The following NCL variants were observed in gnomAD, a reference collection of about 807,000 sequenced individuals.
The protein encoded by NCL is nucleolin multifunctional protein.
NCL carries 4 observed loss-of-function variants against 77.7 expected under a neutral mutation model. That is an observed-to-expected ratio of 0.05 (90% confidence interval 0.03 to 0.12). The LOEUF is 0.12. Among genes scored for constraint, NCL ranks in the 10% least tolerant of loss-of-function variants. NCL has a pLI of 1.00. For missense variants in NCL, 763 were observed against 860.9 expected, an observed-to-expected ratio of 0.89 and a Z score of 1.42; for synonymous variants, 344 against 297.8, an observed-to-expected ratio of 1.16 and a Z score of -1.60.
rs1349798239 is a variant in NCL at position 231,456,646 on chromosome 2, G to C, written c.1690C>G (p.Pro564Ala). The change falls in exon 11 of 14, where the codon CCT becomes GCT. Residue 564 changes from proline to alanine, a missense_variant. This residue lies in a region of NCL where 173 missense variants were observed against 290.4 expected (regional missense o/e 0.60). Transcript: ENST00000322723. The part of the protein sequence containing the change: ...RLELQGPRGS[P>A]NARSQPSKTL... Reference sequence around the variant, plus strand: ...GTGAACTTACGGCTTCTGGCATTAGGTGATCCCCTGGGTCCTTGCAACTCC... The same window carrying C: ...GTGAACTTACGGCTTCTGGCATTAGCTGATCCCCTGGGTCCTTGCAACTCC... 6.2e-7 allele frequency: 1 copy of C among 1,614,058 alleles called. No homozygotes were observed. The highest frequency in any genetic ancestry group is 8.5e-7 in the Non-Finnish European group (1 of 1,180,032).
In NCL at chr2:231,464,404, A is replaced by C. The variant is rs1415426027; in HGVS notation, c.-51T>G. ...AAGTGGCGCAGATGAGTCCAGAAGA[A>C]GCCAAGCGACGGCGATGGCGGCCGC... On this transcript the variant is annotated 5_prime_UTR_variant, in exon 1 of 14. Transcript: ENST00000322723. 1.3e-6 allele frequency: 2 copies of C among 1,587,264 alleles called. No homozygotes were observed. The highest frequency in any genetic ancestry group is 2.3e-5 in the South Asian group (2 of 87,906).
intron 11 of NCL, 65 bp downstream of exon 11, chr2:231,456,566 C>T (rs745899892): frequency 1.2e-6 from 2 of 1,606,958 alleles, no homozygotes; most frequent in Admixed American, 1.7e-5. Context: ...AGAATTTGTG[C>T]AAAAAATAAA....
chr2:231,455,529 T>C lies in NCL; in HGVS notation c.1928A>G (p.Asp643Gly), dbSNP rs1195626866. The change falls in exon 13 of 14, where the codon GAC becomes GGC. Residue 643 changes from aspartate (D) to glycine (G), a missense_variant. Physicochemically the swap from Asp to Gly is moderately conservative, Grantham distance 94 (BLOSUM62 -1). Around this residue, in one of 2 missense-constraint regions of NCL, gnomAD observed 173 missense variants for 290.4 expected, o/e 0.60. Coordinates refer to ENST00000322723, the MANE Select transcript of NCL (RefSeq NM_005381.3). ...ACCTTCACCCTTAGGTTTGGCCCAG[T>C]CCAAGGTAACTTTATTTCCATCAAT... is the stretch of plus-strand genomic sequence containing the variant. ...GEIDGNKVTL[D>G]WAKPKGEGGF... The C allele has an allele frequency of 6.2e-7, 1 of 1,614,210 alleles. No individual in the cohort carries two copies. Among genetic ancestry groups the C allele is most frequent in the African/African-American group, 1.3e-5 (1 of 75,050 alleles).
rs746884662 is a variant in NCL at position 231,463,311 on chromosome 2, A to G, written c.24T>C (p.Gly8=). The change falls in exon 2 of 14, where the codon GGT becomes GGC. Residue 8 remains glycine, a synonymous_variant. Transcript: ENST00000322723. ...TTTTCTTGGGGTCACCTTGATTTTT[A>G]CCTGCCTAAAATGGACACAAATAGA... MVKLAKA[G]KNQGDPKKMA... 2 of 1,599,444 alleles carry G rather than the reference A, an allele frequency of 1.3e-6. No individual in the cohort carries two copies. Among genetic ancestry groups the G allele is most frequent in the Non-Finnish European group, 1.7e-6 (2 of 1,168,950 alleles).
chr2:231,456,566 C>G (rs745899892), intron 11 of NCL, 65 bp downstream of exon 11: 3 of 1,606,840 alleles, frequency 1.9e-6, no homozygotes, highest in African/African-American at 2.7e-5. Flanking sequence ...AGAATTTGTG[C>G]AAAAAATAAA....
Position 231,457,043 on chromosome 2 carries a change from G to A in NCL, c.1529C>T (p.Thr510Ile). The A allele has an allele frequency of 6.2e-7, 1 of 1,614,010 alleles. No homozygotes were observed. Among genetic ancestry groups the A allele is most frequent in the Non-Finnish European group, 8.5e-7 (1 of 1,179,968 alleles). The change falls in exon 10 of 14, where the codon ACT becomes ATT. Residue 510 changes from threonine to isoleucine, a missense_variant. This residue lies in a region of NCL where 173 missense variants were observed against 290.4 expected (regional missense o/e 0.60). Transcript: ENST00000322723. The stretch of plus-strand genomic sequence containing the variant: ...TTGGTTCTGGGGTACTTTGATAAAA[G>A]TTGCTTTCTCAAATACTTCCTGAAG... ...ETLQEVFEKA[T>I]FIKVPQNQNG...
In NCL at chr2:231,461,651, C is replaced by T; in HGVS notation, c.502G>A (p.Asp168Asn). 2.5e-6 allele frequency: 4 copies of T among 1,610,812 alleles called. No individual in the cohort carries two copies. The highest frequency in any genetic ancestry group is 3.4e-6 in the Non-Finnish European group (4 of 1,176,986). ...TTCATCGCTGCTGGTTCAATTTCATCTTCATCCTCATCCTCGTCCTCGTCA... is the reference window on the plus strand; with the variant it reads ...TTCATCGCTGCTGGTTCAATTTCATTTTCATCCTCATCCTCGTCCTCGTCA... ...EDDEDEDEDE[D>N]EIEPAAMKAA... The change falls in exon 3 of 14, where the codon GAT becomes AAT. Residue 168 changes from aspartate (D) to asparagine (N), a missense_variant. Around this residue, in one of 2 missense-constraint regions of NCL, gnomAD observed 590 missense variants for 570.5 expected, o/e 1.03. Coordinates refer to ENST00000322723, the MANE Select transcript of NCL (RefSeq NM_005381.3).
At chr2:231,459,238 C>T (rs1430866544) in intron 6 of NCL, 113 bp from the exon 7 acceptor site, 3 of 1,214,184 alleles carry the variant, frequency 2.5e-6, no homozygotes, top group Middle Eastern at 2.0e-4. Flanking sequence ...TTTTAAAAAG[C>T]ACCCCTAGTA....
intron 11 of NCL, 200 bp downstream of exon 11, chr2:231,456,431 T>C (rs750370592): frequency 9.2e-7 from 1 of 1,083,746 alleles, no homozygotes; most frequent in South Asian, 1.3e-5. Flanking sequence ...CTTGCTACTC[T>C]GAGTTGACAC....
In NCL at chr2:231,460,313, C is replaced by G. The variant is rs961716339; in HGVS notation, c.899-20G>C. On this transcript the variant is annotated intron_variant, in intron 5 of 13. Coordinates refer to ENST00000322723, the MANE Select transcript of NCL (RefSeq NM_005381.3). ...CTGTGCCTGCACAAAAAAAGCTCAA[C>G]TCAGTCTACTTGTAGTGTGGTAAAA... The G allele has an allele frequency of 7.4e-6, 12 of 1,613,976 alleles. No homozygotes were observed. The highest frequency in any genetic ancestry group is 2.2e-5 in the East Asian group (1 of 44,892).
chr2:231,461,631 C>A lies in NCL; in HGVS notation c.522G>T (p.Ala174=). ...CAGGGGCAGCAGCTGCTGCTTTCAT[C>A]GCTGCTGGTTCAATTTCATCTTCAT... ...DEDEDEIEPA[A]MKAAAAAPAS... Residue 174 remains alanine, a synonymous_variant, in exon 3 of 14, where the codon GCG becomes GCT. Coordinates refer to ENST00000322723, the MANE Select transcript of NCL (RefSeq NM_005381.3). 1.9e-6 allele frequency: 3 copies of A among 1,603,594 alleles called. No homozygotes were observed. Among genetic ancestry groups the A allele is most frequent in the Non-Finnish European group, 2.6e-6 (3 of 1,170,438 alleles).
At chr2:231,459,182 A>G (rs984157244) in intron 6 of NCL, 57 bp from the exon 7 acceptor site, 31 of 1,482,752 alleles carry the variant, frequency 2.1e-5, no homozygotes, top group Non-Finnish European at 2.7e-5. Context: ...ATCAAAATCC[A>G]CAATATGTAT....
intron 6 of NCL, 30 bp downstream of exon 6, chr2:231,460,122 C>A (rs777272895): frequency 5.0e-6 from 8 of 1,594,458 alleles, no homozygotes; most frequent in Non-Finnish European, 6.8e-6. Context: ...AACAGACCCA[C>A]GTGTATGTAA....
In NCL at chr2:231,463,085, T is replaced by C. The variant is rs886998266; in HGVS notation, c.135+115A>G. The C allele has an allele frequency of 1.1e-4, 87 of 760,300 alleles. No individual in the cohort carries two copies. The African/African-American group carries it at 1.4e-3, about 12-fold the overall frequency. 47.1% of individuals were successfully genotyped at this position (760,300 alleles called of 1,614,324 possible). A position where few individuals can be genotyped will look rare whatever the true frequency, so the allele number is the denominator to read the frequency against. ...AAGAGCTTGTGAAACACTCAACCAC[T>C]ACAATAAGACATACCTGAATAAAAT... On this transcript the variant is annotated intron_variant, in intron 2 of 13. Transcript: ENST00000322723.
At chr2:231,456,975 C>T in intron 10 of NCL, 26 bp downstream of exon 10, 1 of 1,612,508 alleles carries the variant, frequency 6.2e-7, no homozygotes, top group Non-Finnish European at 8.5e-7. Context: ...TAGCCTATAA[C>T]TGATGATACA....
intron 9 of NCL, chr2:231,457,342 G>A (rs1440782796): frequency 1.3e-6 from 1 of 782,866 alleles, no homozygotes; most frequent in Non-Finnish European, 2.2e-6. Flanking sequence ...TGACTGGTCT[G>A]TTTTCCTAGA....
chr2:231,460,058 T>C lies in NCL; in HGVS notation c.1040+94A>G, dbSNP rs560273993. ...TCCTTGAAGATGTTTACAGTATTCA[T>C]GTTTAACAGTAGCAGGCTAAAGTAA... On this transcript the variant is annotated intron_variant, in intron 6 of 13. Coordinates refer to ENST00000322723, the MANE Select transcript of NCL (RefSeq NM_005381.3). 33 of 1,327,208 alleles carry C rather than the reference T, an allele frequency of 2.5e-5. 1 individual carries two copies. In the East Asian group the frequency reaches 5.3e-4, roughly 21 times the overall value. 82.2% of individuals were successfully genotyped at this position (1,327,208 alleles called of 1,614,324 possible).
At chr2:231,459,946 T>C (rs544189910) in intron 6 of NCL, among the ~76,000 whole-genome samples, 1 of 152,246 alleles carries the variant, frequency 6.6e-6, no homozygotes, top group East Asian at 1.9e-4. Flanking sequence ...TAAAAATTAT[T>C]CTGTGCTATA....
intron 8 of NCL, 42 bp from the exon 9 acceptor site, chr2:231,457,842 T>C: frequency 6.5e-7 from 1 of 1,534,652 alleles, no homozygotes; most frequent in South Asian, 1.2e-5. Context: ...TAAAACCATA[T>C]TAACACAAAT....
Sources: allele counts gnomAD v4.1 joint callset (sites outside exome capture counted in the v4.1 genomes callset), GRCh38; gene constraint gnomAD v4.1.1; regional missense constraint gnomAD v4.1.1; transcripts MANE v1.5; gene names NCBI Gene and HGNC (gene_info 2026-07-23, HGNC 2026-07-21).